Variants in SPOCK3 observed in about 807,000 individuals in gnomAD.
The protein encoded by SPOCK3 is testican-3.
A neutral mutation model predicts 56.6 loss-of-function variants in SPOCK3; 30 were observed. The observed-to-expected ratio is 0.53, with a 90% CI of 0.40 to 0.72. The LOEUF is 0.72. Ranked by LOEUF, SPOCK3 falls within the 30% of genes least tolerant of loss-of-function variation. The probability of loss-of-function intolerance (pLI) is 0.00; values close to 1 mark genes in which losing one functional copy is unlikely to be tolerated. For missense variants in SPOCK3, 527 were observed against 530.0 expected, an observed-to-expected ratio of 0.99 and a Z score of 0.06; for synonymous variants, 196 against 183.3, an observed-to-expected ratio of 1.07 and a Z score of -0.56.
intron 2 of SPOCK3, among the ~76,000 whole-genome samples, chr4:167,202,519 A>AC (rs1403740275): frequency 6.6e-6 from 1 of 151,980 alleles, no homozygotes; most frequent in South Asian, 2.1e-4. Flanking sequence ...TGGGATTACC[A>AC]CATGCATCCT....
intron 3 of SPOCK3, among the ~76,000 whole-genome samples, chr4:167,016,290 GAAC>G (rs1750607818): frequency 1.3e-5 from 2 of 152,144 alleles, no homozygotes; most frequent in South Asian, 4.1e-4. Flanking sequence ...TTAAAAAACA[GAAC>G]AACAATGAAT....
chr4:166,944,030 C>T (rs1225831841), intron 4 of SPOCK3, among the ~76,000 whole-genome samples: 1 of 152,026 alleles, frequency 6.6e-6, no homozygotes, highest in African/African-American at 2.4e-5. Flanking sequence ...GCCTGTAGTC[C>T]CAGCTACTCA....
intron 6 of SPOCK3, among the ~76,000 whole-genome samples, chr4:166,825,438 G>A (rs1038869969): frequency 1.3e-5 from 2 of 152,054 alleles, no homozygotes; most frequent in African/African-American, 4.8e-5. Flanking sequence ...ACCGCTGGTA[G>A]GAATGTAAAC....
chr4:167,066,380 G>A (rs762181177), intron 2 of SPOCK3, among the ~76,000 whole-genome samples: 7 of 151,818 alleles, frequency 4.6e-5, no homozygotes, highest in Non-Finnish European at 1.0e-4. Context: ...TGACAAAAGG[G>A]AAGTGTAACA....
At chr4:166,792,557 T>C (rs2070735572) in intron 6 of SPOCK3, among the ~76,000 whole-genome samples, 1 of 152,156 alleles carries the variant, frequency 6.6e-6, no homozygotes, top group African/African-American at 2.4e-5. Flanking sequence ...ATTGATAACA[T>C]CACAAAAATT....
At chr4:166,991,701 G>A (rs903430495) in intron 4 of SPOCK3, among the ~76,000 whole-genome samples, 4 of 151,922 alleles carry the variant, frequency 2.6e-5, no homozygotes, top group African/African-American at 7.3e-5. Context: ...AATAAACTAC[G>A]ACAGTTGAAA....
At chr4:167,185,810 C>T (rs1294527953) in intron 2 of SPOCK3, among the ~76,000 whole-genome samples, 1 of 152,030 alleles carries the variant, frequency 6.6e-6, no homozygotes, top group African/African-American at 2.4e-5. Context: ...TTTTTTTGAA[C>T]CAACGAGTTT....
intron 4 of SPOCK3, among the ~76,000 whole-genome samples, chr4:166,996,758 A>G (rs1250632794): frequency 2.0e-5 from 3 of 152,156 alleles, no homozygotes; most frequent in Non-Finnish European, 2.9e-5. Context: ...ACATATTTGG[A>G]TGGTTTACAC....
At chr4:167,043,366 GTTTTAGGA>G (rs769224352) in intron 3 of SPOCK3, among the ~76,000 whole-genome samples, 1 of 151,936 alleles carries the variant, frequency 6.6e-6, no homozygotes, top group Non-Finnish European at 1.5e-5. Context: ...AGGAGGTTTT[GTTTTAGGA>G]TTTTCTACAT....
chr4:166,779,964 A>C (rs1414523351), intron 7 of SPOCK3, among the ~76,000 whole-genome samples: 1 of 152,210 alleles, frequency 6.6e-6, no homozygotes, highest in Non-Finnish European at 1.5e-5. Context: ...AGTGAAGAAA[A>C]AAATAATTGA....
chr4:166,914,359 T>C (rs1182702687), intron 4 of SPOCK3, among the ~76,000 whole-genome samples: 1 of 152,188 alleles, frequency 6.6e-6, no homozygotes. Flanking sequence ...TAATGATATC[T>C]GGAAACTAAA....
At chr4:167,082,489 G>A (rs1757796249) in intron 2 of SPOCK3, among the ~76,000 whole-genome samples, 1 of 152,022 alleles carries the variant, frequency 6.6e-6, no homozygotes, top group Non-Finnish European at 1.5e-5. Flanking sequence ...CTGCTTTGGG[G>A]ACTTCAACAA....
At chr4:166,783,689 A>C (rs1226009477) in intron 7 of SPOCK3, among the ~76,000 whole-genome samples, 1 of 152,030 alleles carries the variant, frequency 6.6e-6, no homozygotes, top group Non-Finnish European at 1.5e-5. Context: ...GCAGTCCTTG[A>C]TGTTTTCTCA....
At chr4:167,149,828 T>A (rs1580441564) in intron 2 of SPOCK3, among the ~76,000 whole-genome samples, 1 of 70,678 alleles carries the variant, frequency 1.4e-5, no homozygotes, top group East Asian at 3.9e-4. Context: ...ATATATGGTG[T>A]GTATATATAT....
chr4:167,094,295 C>T (rs963767812), intron 2 of SPOCK3, among the ~76,000 whole-genome samples: 3 of 152,034 alleles, frequency 2.0e-5, no homozygotes, highest in African/African-American at 7.2e-5. Flanking sequence ...TTTCTTCCTG[C>T]TCACTGTTGA....
At chr4:167,105,766 C>T (rs915151248) in intron 2 of SPOCK3, among the ~76,000 whole-genome samples, 1 of 151,362 alleles carries the variant, frequency 6.6e-6, no homozygotes, top group Non-Finnish European at 1.5e-5. Context: ...CCTGTAAAGA[C>T]ACATATAGAT....
At chr4:167,153,722 T>G (rs1764594044) in intron 2 of SPOCK3, among the ~76,000 whole-genome samples, 1 of 152,202 alleles carries the variant, frequency 6.6e-6, no homozygotes. Context: ...TAGATGTCTA[T>G]TAAACACAGT....
At chr4:167,149,236 A>G (rs10517912) in intron 2 of SPOCK3, among the ~76,000 whole-genome samples, 2,667 of 152,258 alleles carry the variant, frequency 0.018, 71 homozygotes, top group African/African-American at 0.059. Flanking sequence ...ATGGTCTACT[A>G]TGATAAAATT....
intron 2 of SPOCK3, among the ~76,000 whole-genome samples, chr4:167,213,973 G>T (rs1359955009): frequency 6.6e-6 from 1 of 152,034 alleles, no homozygotes; most frequent in Non-Finnish European, 1.5e-5. Flanking sequence ...GATGAAAATT[G>T]AAACACTATA....
Sources: allele counts gnomAD v4.1 joint callset (sites outside exome capture counted in the v4.1 genomes callset), GRCh38; gene constraint gnomAD v4.1.1; transcripts MANE v1.5; gene names NCBI Gene and HGNC (gene_info 2026-07-23, HGNC 2026-07-21).